HSPG2: variants seen among roughly 807,000 people sequenced by gnomAD.
HSPG2 encodes basement membrane-specific heparan sulfate proteoglycan core protein.
HSPG2 carries 278 observed loss-of-function variants against 526.6 expected under a neutral mutation model. The observed-to-expected ratio is 0.53, with a 90% CI of 0.48 to 0.58. The LOEUF (loss-of-function observed/expected upper bound fraction) is 0.58. Among genes scored for constraint, HSPG2 ranks in the 20% least tolerant of loss-of-function variants. The pLI, the probability that HSPG2 is intolerant of heterozygous loss-of-function variation, is 0.00. For missense variants in HSPG2, 5,354 were observed against 6,099.5 expected (o/e 0.88, Z 4.07); for synonymous variants, 2,465 against 2,555.4 (o/e 0.96, Z 1.07).
chr1:21,843,171 C>A, intron 66 of HSPG2, 126 bp downstream of exon 66: 1 of 1,409,620 alleles, frequency 7.1e-7, no homozygotes, highest in Non-Finnish European at 1.0e-6. Flanking sequence ...TGGCTTGATC[C>A]TCCGTGGTAG....
chr1:21,850,226 T>G (rs535620065), intron 56 of HSPG2, 34 bp from the exon 57 acceptor site: 2 of 1,613,074 alleles, frequency 1.2e-6, no homozygotes, highest in East Asian at 4.5e-5. Context: ...AATAGCCGGC[T>G]AGGAGGTGAG....
rs142663602 is a variant in HSPG2 at position 21,846,151 on chromosome 1, C to G, written c.8421G>C (p.Leu2807=). Residue 2807 remains leucine (L), a synonymous_variant, in exon 64 of 97, where the codon CTG becomes CTC. Transcript: ENST00000374695. ...TTGAGCCAGAGGCTTCGATGGTGAC[C>G]AGGACTGAGGCCTCCAGGGGGCCAG... ...GSSGPLEASV[L]VTIEASGSSA... 3.1e-6 allele frequency: 5 copies of G among 1,613,018 alleles called. No individual in the cohort carries two copies. Among genetic ancestry groups the G allele is most frequent in the African/African-American group, 2.7e-5 (2 of 74,948 alleles).
chr1:21,842,945 G>C (rs886129136), intron 66 of HSPG2, 24 bp from the exon 67 acceptor site: 2 of 1,613,794 alleles, frequency 1.2e-6, no homozygotes, highest in Non-Finnish European at 1.7e-6. Flanking sequence ...GGGTGGGTGA[G>C]AGAGGCCAGG....
rs2097987092 is a variant in HSPG2, at chr1:21,828,541, G to A, written c.12238-115C>T. The A allele has an allele frequency of 6.2e-6, 7 of 1,121,902 alleles. No homozygotes were observed. Among genetic ancestry groups the A allele is most frequent in the Non-Finnish European group, 7.8e-6 (6 of 769,968 alleles). 69.5% of individuals were successfully genotyped at this position (1,121,902 alleles called of 1,614,324 possible). On this transcript the variant is annotated intron_variant, in intron 88 of 96. Transcript: ENST00000374695. The surrounding 1 kb of genome is among the most constrained non-coding windows in gnomAD (Gnocchi z 6.0). ...GCTGGGAGCCCACATTGGGCCCTGAGTGGTAGCATGGATTCTCGGTGTGGG... is the reference window on the plus strand; with the variant it reads ...GCTGGGAGCCCACATTGGGCCCTGAATGGTAGCATGGATTCTCGGTGTGGG...
At chr1:21,867,335 T>C (rs1462673756) in intron 33 of HSPG2, among the ~76,000 whole-genome samples, 1 of 152,082 alleles carries the variant, frequency 6.6e-6, no homozygotes, top group Non-Finnish European at 1.5e-5. Flanking sequence ...TTTTTCAGCC[T>C]CAGTCTCCCA....
Position 21,824,775 on chromosome 1 carries a change from G to T in HSPG2, c.12594C>A (p.Ala4198=). 1 of 1,611,960 alleles carries T rather than the reference G, an allele frequency of 6.2e-7. No individual in the cohort carries two copies. Among genetic ancestry groups the T allele is most frequent in the South Asian group, 1.1e-5 (1 of 90,662 alleles). Residue 4198 remains alanine (A), a synonymous_variant, in exon 92 of 97, where the codon GCC becomes GCA. Coordinates refer to ENST00000374695, the MANE Select transcript of HSPG2 (RefSeq NM_005529.7). This position sits in a 1 kb window ranked among gnomAD's most constrained non-coding sequence, Gnocchi z 5.9. ...WHLEGSGGND[A]PGQYGAYFHD... Reference sequence around the variant, plus strand: ...GGAAATAGGCTCCGTACTGCCCAGGGGCATCTGTGGGAGAGAGGAGGGTGG... The same window carrying T: ...GGAAATAGGCTCCGTACTGCCCAGGTGCATCTGTGGGAGAGAGGAGGGTGG...
In HSPG2 at chr1:21,848,937, G is replaced by C. The variant is rs1286620969; in HGVS notation, c.7541C>G (p.Ala2514Gly). 6.2e-7 allele frequency: 1 copy of C among 1,613,822 alleles called. No individual in the cohort carries two copies. The highest frequency in any genetic ancestry group is 8.5e-7 in the Non-Finnish European group (1 of 1,180,002). Reference sequence around the variant, plus strand: ...CTGCTGGATGGTGACAAGGACTGAGGCTTCCTGGGTACCTGAGCTGCCGAC... The same window carrying C: ...CTGCTGGATGGTGACAAGGACTGAGCCTTCCTGGGTACCTGAGCTGCCGAC... ...RVVGSSGTQEASVLVTIQQRL... is the reference protein window; with the variant it reads ...RVVGSSGTQEGSVLVTIQQRL... Residue 2514 changes from alanine to glycine, a missense_variant, in exon 58 of 97, where the codon GCC becomes GGC. Coordinates refer to ENST00000374695, the MANE Select transcript of HSPG2 (RefSeq NM_005529.7). The surrounding 1 kb of genome is among the most constrained non-coding windows in gnomAD (Gnocchi z 4.9).
intron 71 of HSPG2, 106 bp downstream of exon 71, chr1:21,840,995 A>C: frequency 1.0e-6 from 1 of 986,590 alleles, no homozygotes; most frequent in Non-Finnish European, 1.6e-6. Context: ...TCCTCTCTCC[A>C]TCCACTCATC....
At chr1:21,892,441 G>T (rs1642434588) in intron 3 of HSPG2, among the ~76,000 whole-genome samples, 1 of 152,258 alleles carries the variant, frequency 6.6e-6, no homozygotes, top group African/African-American at 2.4e-5. Context: ...GGCCTGGGAA[G>T]GGCACAGGCC....
intron 62 of HSPG2, 49 bp from the exon 63 acceptor site, chr1:21,846,648 G>A: frequency 6.2e-7 from 1 of 1,608,994 alleles, no homozygotes; most frequent in Non-Finnish European, 8.5e-7. Flanking sequence ...TCAGATTTGG[G>A]AACAGGGTTG....
At chr1:21,921,379 T>C (rs1405517239) in intron 1 of HSPG2, among the ~76,000 whole-genome samples, 1 of 152,126 alleles carries the variant, frequency 6.6e-6, no homozygotes, top group Non-Finnish European at 1.5e-5. Context: ...TTCATACAGC[T>C]GCCACCAAAC....
At position 21,824,349 on chromosome 1, in the gene HSPG2, C is replaced by A. The variant is rs985795769; in HGVS notation, c.12772G>T (p.Asp4258Tyr). ...VEVGEAGQGK[D>Y]FISLGLQDGH... ...TCTTGAAGCCCGAGGCTGATGAAGT[C>A]CTTGCCTTGGCCGGCCTCTCCCACC... Residue 4258 changes from aspartate (D) to tyrosine (Y), a missense_variant, in exon 94 of 97, where the codon GAC becomes TAC. Transcript: ENST00000374695. The surrounding 1 kb of genome is among the most constrained non-coding windows in gnomAD (Gnocchi z 5.9). The A allele has an allele frequency of 6.2e-7, 1 of 1,613,770 alleles. No homozygotes were observed. Among genetic ancestry groups the A allele is most frequent in the Non-Finnish European group, 8.5e-7 (1 of 1,180,038 alleles).
Position 21,824,723 on chromosome 1 carries a change from C to T in HSPG2, c.12646G>A (p.Gly4216Ser), listed in dbSNP as rs2097964487. 6.2e-7 allele frequency: 1 copy of T among 1,613,734 alleles called. No homozygotes were observed. Among genetic ancestry groups the T allele is most frequent in the South Asian group, 1.1e-5 (1 of 91,000 alleles). Residue 4216 changes from glycine to serine, a missense_variant, in exon 92 of 97, where the codon GGC becomes AGC. Gly to Ser is a moderately conservative substitution (Grantham distance 56, BLOSUM62 0). Coordinates refer to ENST00000374695, the MANE Select transcript of HSPG2 (RefSeq NM_005529.7). The surrounding 1 kb of genome is among the most constrained non-coding windows in gnomAD (Gnocchi z 5.9). ...FHDDGFLAFP[G>S]HVFSRSLPEV... ...TCTCACCTCCTGGAGAAGACATGGC[C>T]AGGGAAGGCGAGGAAGCCATCATCG...
chr1:21,899,453 G>T (rs997383235), intron 1 of HSPG2, among the ~76,000 whole-genome samples: 2 of 152,102 alleles, frequency 1.3e-5, no homozygotes, highest in Non-Finnish European at 2.9e-5. Context: ...CAGGTTATAG[G>T]TCTTATGGGG....
chr1:21,842,294 A>G lies in HSPG2; in HGVS notation c.8997T>C (p.Pro2999=), dbSNP rs1259385603. The part of the protein sequence containing the change: ...YVCRAASGPG[P]EQEASFTVTV... ...TGACTGTGAAGGAGGCTTCTTGCTCAGGGCCTGGGCCGCTGGCTGCACGAC... is the reference window on the plus strand; with the variant it reads ...TGACTGTGAAGGAGGCTTCTTGCTCGGGGCCTGGGCCGCTGGCTGCACGAC... The change falls in exon 68 of 97, where the codon CCT becomes CCC. Residue 2999 remains proline (P), a synonymous_variant. Transcript: ENST00000374695. 3 of 1,613,348 alleles carry G rather than the reference A, an allele frequency of 1.9e-6. No individual in the cohort carries two copies. Among genetic ancestry groups the G allele is most frequent in the Non-Finnish European group, 2.5e-6 (3 of 1,179,856 alleles).
rs540514680 is a variant in HSPG2, at chr1:21,904,947, C to A, written c.64-8637G>T. Among the ~76,000 whole-genome samples the A allele has an allele frequency of 6.6e-6, 1 of 152,204 alleles. No homozygotes were observed. Among genetic ancestry groups the A allele is most frequent in the Admixed American group, 6.5e-5 (1 of 15,286 alleles). ...CTCCTGGGTCACTGCCCACAGATTTCATGAATGATGCCCCTTGCACAGTGC... is the reference window on the plus strand; with the variant it reads ...CTCCTGGGTCACTGCCCACAGATTTAATGAATGATGCCCCTTGCACAGTGC... On this transcript the variant is annotated intron_variant, in intron 1 of 96. Coordinates refer to ENST00000374695, the MANE Select transcript of HSPG2 (RefSeq NM_005529.7). The surrounding 1 kb of genome is among the most constrained non-coding windows in gnomAD (Gnocchi z 4.4).
Position 21,843,455 on chromosome 1 carries a change from G to A in HSPG2, c.8617-17C>T, listed in dbSNP as rs1171464378. The A allele has an allele frequency of 1.2e-6, 2 of 1,603,736 alleles. No individual in the cohort carries two copies. The highest frequency in any genetic ancestry group is 1.7e-6 in the Non-Finnish European group (2 of 1,173,000). On this transcript the variant is annotated splice_polypyrimidine_tract_variant and intron_variant, in intron 65 of 96. Transcript: ENST00000374695. ...GCCGTGGACCTGGCCAAGGTGGGGTGAGAGCGGGGAGGGTGAGCTGGGAGC... is the reference window on the plus strand; with the variant it reads ...GCCGTGGACCTGGCCAAGGTGGGGTAAGAGCGGGGAGGGTGAGCTGGGAGC...
Position 21,855,569 on chromosome 1 carries a change from G to A in HSPG2, c.5808C>T (p.His1936=), listed in dbSNP as rs1346074440. The change falls in exon 46 of 97, where the codon CAC becomes CAT. Residue 1936 remains histidine (H), a synonymous_variant. Coordinates refer to ENST00000374695, the MANE Select transcript of HSPG2 (RefSeq NM_005529.7). ...TGGCCACCTGCTGCCCAGCGCTGCT[G>A]TGGGCTCGGCACAAGTACTGGGCCT... ...TDQAQYLCRA[H]SSAGQQVARA... 1 of 1,599,276 alleles carries A rather than the reference G, an allele frequency of 6.3e-7. No homozygotes were observed. The highest frequency in any genetic ancestry group is 8.5e-7 in the Non-Finnish European group (1 of 1,174,554).
Position 21,887,145 on chromosome 1 carries a change from T to C in HSPG2, c.1078+70A>G. 6.4e-7 allele frequency: 1 copy of C among 1,551,966 alleles called. No homozygotes were observed. On this transcript the variant is annotated intron_variant, in intron 9 of 96. Coordinates refer to ENST00000374695, the MANE Select transcript of HSPG2 (RefSeq NM_005529.7). This position sits in a 1 kb window ranked among gnomAD's most constrained non-coding sequence, Gnocchi z 5.0. ...GGGCAGGGTAGGGGCGGGGCAGGAGTGGAAGGCGGGGCAGGAGCAAGCGGC... is the reference window on the plus strand; with the variant it reads ...GGGCAGGGTAGGGGCGGGGCAGGAGCGGAAGGCGGGGCAGGAGCAAGCGGC...
Sources: gnomAD v4.1 joint callset for allele counts (sites outside exome capture counted in the v4.1 genomes callset) on GRCh38, gnomAD v4.1.1 for gene constraint, Gnocchi (gnomAD v3.1) non-coding constraint, MANE v1.5 for transcripts, NCBI Gene and HGNC (gene_info 2026-07-23, HGNC 2026-07-21) for gene names.